SPTLC2: variants seen among roughly 807,000 people sequenced by gnomAD.
SPTLC2 encodes serine palmitoyltransferase long chain base subunit 2.
A neutral mutation model predicts 62.0 loss-of-function variants in SPTLC2; 21 were observed. The observed-to-expected ratio is 0.34, with a 90% confidence interval of 0.24 to 0.49. The LOEUF is 0.49. SPTLC2 is among the 20% of genes least tolerant of loss of function. The pLI is 0.99. For synonymous variants in SPTLC2, 261 were observed against 261.8 expected (o/e 1.00, Z 0.03); for missense variants, 511 against 713.0 (o/e 0.72, Z 3.23).
Position 77,578,964 on chromosome 14 carries a change from C to T in SPTLC2, c.473G>A (p.Trp158Ter). 1 of 1,613,926 alleles carries T rather than the reference C, an allele frequency of 6.2e-7. No individual in the cohort carries two copies. Among genetic ancestry groups the T allele is most frequent in the Non-Finnish European group, 8.5e-7 (1 of 1,179,974 alleles). ...CCCAACCAAGACTCACTTGAAGGAC[C>T]AGTTATAATCATGAGACTGTCTCTC... The part of the protein sequence containing the change: ...IMERQSHDYN[W>*]SFKYTGNIIK... The change falls in exon 3 of 12, where the codon TGG becomes TAG. Residue 158 changes from tryptophan to a stop codon, truncating the protein, a stop_gained. Coordinates refer to ENST00000216484, the MANE Select transcript of SPTLC2 (RefSeq NM_004863.4). LOFTEE classifies it high-confidence loss of function.
At chr14:77,524,016 AT>A (rs1452480555) in intron 9 of SPTLC2, among the ~76,000 whole-genome samples, 3 of 152,228 alleles carry the variant, frequency 2.0e-5, no homozygotes, top group Non-Finnish European at 1.5e-5. Flanking sequence ...GCAGATATGG[AT>A]GTTAAAGGCC....
At chr14:77,610,378 G>C (rs1000475973) in intron 1 of SPTLC2, among the ~76,000 whole-genome samples, 1 of 152,190 alleles carries the variant, frequency 6.6e-6, no homozygotes, top group African/African-American at 2.4e-5. Context: ...CTGACCTCAA[G>C]TGATCCGCCC....
intron 9 of SPTLC2, among the ~76,000 whole-genome samples, chr14:77,538,719 C>A (rs765106302): frequency 6.6e-6 from 1 of 151,956 alleles, no homozygotes; most frequent in Non-Finnish European, 1.5e-5. Context: ...TACAGGCATG[C>A]GTCACCACAT....
chr14:77,535,991 T>C, intron 9 of SPTLC2: 1 of 454,724 alleles, frequency 2.2e-6, no homozygotes. Flanking sequence ...ACTTCATGAA[T>C]AGTGATGCCA....
At chr14:77,523,128 C>T (rs970424156) in intron 9 of SPTLC2, among the ~76,000 whole-genome samples, 14 of 152,326 alleles carry the variant, frequency 9.2e-5, no homozygotes, top group Non-Finnish European at 1.9e-4. Flanking sequence ...ATGTTGGGAA[C>T]TGATGAGCCA....
In SPTLC2 at chr14:77,610,868, A is replaced by G. The variant is rs115540360; in HGVS notation, c.132+5580T>C. 5.2e-3 allele frequency among the ~76,000 whole-genome samples: 785 copies of G among 151,760 alleles called. 7 individuals are homozygous for G. Among genetic ancestry groups the G allele is most frequent in the African/African-American group, 0.018 (757 of 41,402 alleles). ...TGAGATCAGCCTGGGCAACATAGTG[A>G]GACTCTGTCTCCCTCTCTCTCTGTC... On this transcript the variant is annotated intron_variant, in intron 1 of 11. Coordinates refer to ENST00000216484, the MANE Select transcript of SPTLC2 (RefSeq NM_004863.4).
intron 9 of SPTLC2, among the ~76,000 whole-genome samples, chr14:77,550,136 T>C (rs1428973814): frequency 6.6e-6 from 1 of 152,182 alleles, no homozygotes; most frequent in Non-Finnish European, 1.5e-5. Context: ...CACTATGTGT[T>C]TGCAACATTA....
chr14:77,520,335 C>G (rs2079379714), intron 10 of SPTLC2, among the ~76,000 whole-genome samples: 1 of 152,222 alleles, frequency 6.6e-6, no homozygotes, highest in Admixed American at 6.5e-5. Flanking sequence ...TTCCTTACTT[C>G]CCTTTCATTC....
chr14:77,518,923 A>T (rs1033436658), intron 10 of SPTLC2, among the ~76,000 whole-genome samples: 1 of 152,168 alleles, frequency 6.6e-6, no homozygotes, highest in African/African-American at 2.4e-5. Context: ...AGACCACACA[A>T]TTCGTATTTA....
At chr14:77,578,775 G>T in intron 3 of SPTLC2, 180 bp downstream of exon 3, 1 of 587,584 alleles carries the variant, frequency 1.7e-6, no homozygotes. Context: ...AGTATCAAAT[G>T]TAATAGAAAG....
chr14:77,590,987 C>G (rs1293388600), intron 2 of SPTLC2, among the ~76,000 whole-genome samples: 1 of 152,122 alleles, frequency 6.6e-6, no homozygotes, highest in Non-Finnish European at 1.5e-5. Flanking sequence ...AGAGGTAAAC[C>G]TACTGCCACT....
chr14:77,606,441 T>C (rs1485450081), intron 1 of SPTLC2, among the ~76,000 whole-genome samples: 1 of 151,938 alleles, frequency 6.6e-6, no homozygotes, highest in Non-Finnish European at 1.5e-5. Flanking sequence ...CCTTCTTGCA[T>C]CAGCACTGCT....
At chr14:77,534,178 TCACACACACACACA>T (rs199819444) in intron 9 of SPTLC2, among the ~76,000 whole-genome samples, 11 of 115,000 alleles carry the variant, frequency 9.6e-5, no homozygotes, top group African/African-American at 2.9e-4. Context: ...TCTCTCTCTC[TCACACACACACACA>T]CACACACACA....
At position 77,555,426 on chromosome 14, in the gene SPTLC2, G is replaced by C. The variant is rs539265514; in HGVS notation, c.1050C>G (p.Gly350=). 1 of 1,614,142 alleles carries C rather than the reference G, an allele frequency of 6.2e-7. No individual in the cohort carries two copies. Among genetic ancestry groups the C allele is most frequent in the South Asian group, 1.1e-5 (1 of 91,084 alleles). The change falls in exon 8 of 12, where the codon GGC becomes GGG. Residue 350 remains glycine (G), a synonymous_variant. Transcript: ENST00000216484. Reference sequence around the variant, plus strand: ...CACCCCGGCCTGTGGGGCCCAGGGCGCCAATGCTGTGAGCCTCATCCAGAT... The same window carrying C: ...CACCCCGGCCTGTGGGGCCCAGGGCCCCAATGCTGTGAGCCTCATCCAGAT... The part of the protein sequence containing the change: ...YLYLDEAHSI[G]ALGPTGRGVV...
At chr14:77,521,687 G>T (rs138721344) in intron 9 of SPTLC2, 106 bp from the exon 10 acceptor site, 18 of 1,048,624 alleles carry the variant, frequency 1.7e-5, no homozygotes, top group Non-Finnish European at 2.6e-5. Context: ...GTTCTGTTTC[G>T]TTTTTTTCCA....
intron 1 of SPTLC2, among the ~76,000 whole-genome samples, chr14:77,607,058 G>A (rs570023885): frequency 6.6e-6 from 1 of 151,696 alleles, no homozygotes; most frequent in Non-Finnish European, 1.5e-5. Flanking sequence ...TTGTCTTCAA[G>A]AATTGTGCAG....
At chr14:77,601,861 C>T (rs530709803) in intron 1 of SPTLC2, among the ~76,000 whole-genome samples, 5 of 152,310 alleles carry the variant, frequency 3.3e-5, no homozygotes, top group African/African-American at 9.6e-5. Context: ...ACAAAGGAGA[C>T]ACATTTTATC....
intron 5 of SPTLC2, among the ~76,000 whole-genome samples, chr14:77,562,947 T>C (rs1475005954): frequency 1.3e-5 from 2 of 152,208 alleles, no homozygotes; most frequent in African/African-American, 4.8e-5. Context: ...GGGAAGATCC[T>C]ACTTATTAAC....
chr14:77,526,088 G>C (rs1476572561), intron 9 of SPTLC2, among the ~76,000 whole-genome samples: 1 of 137,326 alleles, frequency 7.3e-6, no homozygotes, highest in Non-Finnish European at 1.6e-5. Context: ...AATAAATGTA[G>C]ACAAATCAGT....
Sources: allele counts gnomAD v4.1 joint callset (sites outside exome capture counted in the v4.1 genomes callset), GRCh38; gene constraint gnomAD v4.1.1; transcripts MANE v1.5; gene names NCBI Gene and HGNC (gene_info 2026-07-23, HGNC 2026-07-21).